The following JAKMIP3 variants were observed in gnomAD, a reference collection of about 807,000 sequenced individuals.
JAKMIP3 encodes the protein Janus kinase and microtubule interacting protein 3.
JAKMIP3 carries 58 observed loss-of-function variants against 118.5 expected under a neutral mutation model. The observed-to-expected ratio is 0.49, with a 90% confidence interval of 0.40 to 0.61. The LOEUF (loss-of-function observed/expected upper bound fraction) is 0.61. Among genes scored for constraint, JAKMIP3 ranks in the 20% least tolerant of loss-of-function variants. The pLI is 0.00. For synonymous variants in JAKMIP3, 486 were observed against 451.2 expected (o/e 1.08, Z -0.98); for missense variants, 950 against 1,109.0 (o/e 0.86, Z 2.04).
intron 19 of JAKMIP3, among the ~76,000 whole-genome samples, chr10:132,162,476 TG>T (rs1478111996): frequency 6.6e-6 from 1 of 152,234 alleles, no homozygotes; most frequent in Non-Finnish European, 1.5e-5. Flanking sequence ...TGGTTGTGAC[TG>T]TAAGAAGTGG....
intron 1 of JAKMIP3, among the ~76,000 whole-genome samples, chr10:132,052,383 T>C (rs1275611494): frequency 6.6e-6 from 1 of 152,240 alleles, no homozygotes; most frequent in East Asian, 1.9e-4. Context: ...TTCTCCTCCT[T>C]GAGTTTTCTT....
Position 132,117,582 on chromosome 10 carries a change from G to A in JAKMIP3, c.633+8G>A. On this transcript the variant is annotated splice_region_variant and intron_variant, in intron 3 of 23. Transcript: ENST00000684848. The surrounding 1 kb of genome is among the most constrained non-coding windows in gnomAD (Gnocchi z 8.6). ...CGGGAGATCCGCAGGCTGGTACGTG[G>A]GCAGGCAGGGGCGGGCGTGGGCGAG... is the stretch of plus-strand genomic sequence containing the variant. The A allele has an allele frequency of 5.2e-6, 8 of 1,538,036 alleles. No individual in the cohort carries two copies. In the South Asian group the frequency reaches 8.3e-5, roughly 16 times the overall value.
intron 11 of JAKMIP3, 46 bp downstream of exon 11, chr10:132,142,094 C>G (rs1291493385): frequency 6.5e-7 from 1 of 1,546,660 alleles, no homozygotes; most frequent in East Asian, 2.3e-5. Flanking sequence ...TCGTGCCTTC[C>G]CGCTTGACCC....
intron 1 of JAKMIP3, among the ~76,000 whole-genome samples, chr10:132,040,919 C>A (rs60718130): frequency 2.0e-5 from 3 of 152,166 alleles, no homozygotes; most frequent in Non-Finnish European, 4.4e-5. Flanking sequence ...CCTCATAGAA[C>A]TGGAATCATG....
intron 19 of JAKMIP3, among the ~76,000 whole-genome samples, chr10:132,157,775 A>G (rs2057271834): frequency 6.6e-6 from 1 of 151,956 alleles, no homozygotes; most frequent in Non-Finnish European, 1.5e-5. Context: ...TTTGCCATCC[A>G]TTGCAAATAT....
chr10:132,181,478 T>C (rs1303142809), intron 23 of JAKMIP3: 1 of 152,094 alleles, frequency 6.6e-6, no homozygotes. Flanking sequence ...CTCTGTAAAA[T>C]ATGAGGGCTG....
At chr10:132,178,524 G>C (rs769504592) in intron 23 of JAKMIP3, among the ~76,000 whole-genome samples, 5 of 152,230 alleles carry the variant, frequency 3.3e-5, no homozygotes, top group Non-Finnish European at 5.9e-5. Flanking sequence ...TCAGACAAAA[G>C]AGCATATGGG....
chr10:132,124,326 G>A (rs74161725), intron 3 of JAKMIP3, among the ~76,000 whole-genome samples: 332 of 148,944 alleles, frequency 2.2e-3, no homozygotes, highest in African/African-American at 7.9e-3. Context: ...AGCCGGCCGC[G>A]CCATACACGT....
chr10:132,163,567 T>TACACCCTGATGGCC (rs1177881193), intron 20 of JAKMIP3, among the ~76,000 whole-genome samples, 155 bp downstream of exon 20: 3 of 152,052 alleles, frequency 2.0e-5, no homozygotes, highest in African/African-American at 7.2e-5. Flanking sequence ...CTCTGATGGC[T>TACACCCTGATGGCC]ACACCCTGAT....
intron 1 of JAKMIP3, among the ~76,000 whole-genome samples, chr10:132,084,356 A>G (rs1205028795): frequency 6.6e-6 from 1 of 152,208 alleles, no homozygotes; most frequent in Non-Finnish European, 1.5e-5. Flanking sequence ...GTTGGTGTAT[A>G]GGAGAGCTAC....
At chr10:132,141,872 C>T (rs952095052) in intron 10 of JAKMIP3, 48 bp from the exon 11 acceptor site, 11 of 1,565,414 alleles carry the variant, frequency 7.0e-6, no homozygotes, top group African/African-American at 6.8e-5. Flanking sequence ...GAGGTGCTGG[C>T]TACTGACACT....
intron 21 of JAKMIP3, among the ~76,000 whole-genome samples, chr10:132,166,619 CA>C (rs2058931211): frequency 6.6e-6 from 1 of 152,156 alleles, no homozygotes; most frequent in Admixed American, 6.5e-5. Context: ...GTGCTCTTGC[CA>C]AAAATTCCTG....
At chr10:132,167,271 G>T (rs1403049906) in intron 22 of JAKMIP3, among the ~76,000 whole-genome samples, 5 of 152,206 alleles carry the variant, frequency 3.3e-5, no homozygotes, top group African/African-American at 1.2e-4. Context: ...CCACTGTAGA[G>T]GCCGCAAGGT....
chr10:132,118,847 C>G lies in JAKMIP3; in HGVS notation c.633+1273C>G, dbSNP rs369454761. Among the ~76,000 whole-genome samples, 1 of 152,204 alleles carries G rather than the reference C, an allele frequency of 6.6e-6. No individual in the cohort carries two copies. Among genetic ancestry groups the G allele is most frequent in the Non-Finnish European group, 1.5e-5 (1 of 68,050 alleles). ...AACCGGGTGCTTTCTTCGCGTGACA[C>G]GATGCTTGCTTTTCTGTGCGGGGAA... is the stretch of plus-strand genomic sequence containing the variant. On this transcript the variant is annotated intron_variant, in intron 3 of 23. Transcript: ENST00000684848. This position sits in a 1 kb window ranked among gnomAD's most constrained non-coding sequence, Gnocchi z 4.8.
chr10:132,079,753 G>T (rs7072786), intron 1 of JAKMIP3, among the ~76,000 whole-genome samples: 1 of 151,892 alleles, frequency 6.6e-6, no homozygotes. Flanking sequence ...ACTTCCCCTC[G>T]TCCAGGCCCT....
At chr10:132,115,233 C>T (rs1354591746) in intron 2 of JAKMIP3, among the ~76,000 whole-genome samples, 2 of 83,558 alleles carry the variant, frequency 2.4e-5, no homozygotes, top group South Asian at 5.8e-4. Flanking sequence ...CGGGTCACCG[C>T]GATCGCGGCT....
At chr10:132,147,360 C>T (rs1018078527) in intron 13 of JAKMIP3, among the ~76,000 whole-genome samples, 4 of 152,204 alleles carry the variant, frequency 2.6e-5, no homozygotes, top group South Asian at 2.1e-4. Flanking sequence ...TGCCGTGGGC[C>T]GTGTCACTTG....
In JAKMIP3 at chr10:132,141,994, C is replaced by T. The variant is rs373788324; in HGVS notation, c.1548C>T (p.Tyr516=). 2.6e-5 allele frequency: 42 copies of T among 1,606,746 alleles called. No individual in the cohort carries two copies. Among genetic ancestry groups the T allele is most frequent in the South Asian group, 1.0e-4 (9 of 89,592 alleles). ...TMEYQALQRA[Y]ALLQEQVGGT... ...AGTACCAGGCCCTGCAGCGTGCCTA[C>T]GCTTTGTTGCAGGAGCAGGTTGGAG... The change falls in exon 11 of 24, where the codon TAC becomes TAT. Residue 516 remains tyrosine (Y), a synonymous_variant. Transcript: ENST00000684848.
At chr10:132,126,992 A>C (rs1256594125) in intron 3 of JAKMIP3, among the ~76,000 whole-genome samples, 3 of 152,128 alleles carry the variant, frequency 2.0e-5, no homozygotes, top group African/African-American at 7.2e-5. Flanking sequence ...TATTCTCTCA[A>C]TGAGTTTGTT....
Sources: allele counts gnomAD v4.1 joint callset (sites outside exome capture counted in the v4.1 genomes callset), GRCh38; gene constraint gnomAD v4.1.1; non-coding constraint Gnocchi (gnomAD v3.1); transcripts MANE v1.5; gene names NCBI Gene and HGNC (gene_info 2026-07-23, HGNC 2026-07-21).